PTPRD: variants seen among roughly 807,000 people sequenced by gnomAD.
PTPRD encodes the protein receptor-type tyrosine-protein phosphatase delta.
A neutral mutation model predicts 214.5 loss-of-function variants in PTPRD; 34 were observed. The observed-to-expected ratio is 0.16, with a 90% CI of 0.12 to 0.21. The LOEUF (loss-of-function observed/expected upper bound fraction) is 0.21, where lower values mean the gene tolerates loss of function less well. Among genes scored for constraint, PTPRD ranks in the 10% least tolerant of loss-of-function variants. PTPRD has a pLI of 1.00. For missense variants in PTPRD, 2,545 were observed against 2,398.7 expected (o/e 1.06, Z -1.27); for synonymous variants, 1,128 against 845.7 (o/e 1.33, Z -5.79).
At chr9:9,767,187 G>A (rs183783426) in intron 5 of PTPRD, among the ~76,000 whole-genome samples, 49 of 151,774 alleles carry the variant, frequency 3.2e-4, no homozygotes, top group African/African-American at 6.5e-4. Context: ...ATCAAACATC[G>A]CTTTTCAAAA....
intron 10 of PTPRD, among the ~76,000 whole-genome samples, chr9:9,052,562 G>A (rs182707847): frequency 2.6e-5 from 4 of 152,272 alleles, no homozygotes; most frequent in Admixed American, 2.0e-4. Flanking sequence ...AAATGAAGAA[G>A]GCAGTGAAGT....
intron 5 of PTPRD, among the ~76,000 whole-genome samples, chr9:9,799,954 A>G (rs2099028218): frequency 1.3e-5 from 2 of 152,310 alleles, no homozygotes; most frequent in Admixed American, 6.5e-5. Context: ...TTCAAAGTAC[A>G]AAAAGAAATT....
At chr9:8,528,343 C>A in intron 15 of PTPRD, 1 of 494,606 alleles carries the variant, frequency 2.0e-6, no homozygotes, top group Admixed American at 3.7e-5. Context: ...ACCAAAAATA[C>A]AGTCACAGCA....
intron 3 of PTPRD, among the ~76,000 whole-genome samples, chr9:10,280,360 C>CA (rs752581841): frequency 0.034 from 4,905 of 144,796 alleles, 262 homozygotes; most frequent in African/African-American, 0.12. Flanking sequence ...TACATAAACA[C>CA]CACACACACA....
intron 7 of PTPRD, among the ~76,000 whole-genome samples, chr9:9,633,237 G>A (rs2095648939): frequency 6.6e-6 from 1 of 151,886 alleles, no homozygotes; most frequent in African/African-American, 2.4e-5. Flanking sequence ...GGAGGTTGAA[G>A]TAAGCCTAGA....
intron 9 of PTPRD, among the ~76,000 whole-genome samples, chr9:9,333,925 T>C (rs7861918): frequency 0.081 from 12,241 of 151,954 alleles, 1,688 homozygotes; most frequent in African/African-American, 0.28. Context: ...GAATAGAATA[T>C]TTCATAGTCT....
At chr9:9,918,881 T>C (rs975668013) in intron 5 of PTPRD, among the ~76,000 whole-genome samples, 1 of 152,116 alleles carries the variant, frequency 6.6e-6, no homozygotes, top group Non-Finnish European at 1.5e-5. Flanking sequence ...CCTCCAACCC[T>C]ATACAAACAT....
In PTPRD at chr9:10,351,207, AT is replaced by A. The variant is rs1050133994; in HGVS notation, c.-599-10191del. Reference sequence around the variant, plus strand: ...AATATGCTTGCAAACTCAGTTGTAAATTTTTTTTTAATCATCTACTATCGTG... The same window carrying A: ...AATATGCTTGCAAACTCAGTTGTAAATTTTTTTTAATCATCTACTATCGTG... On this transcript the variant is annotated intron_variant, in intron 2 of 45. Transcript: ENST00000381196. Among the ~76,000 whole-genome samples, 20 of 151,910 alleles carry A rather than the reference AT, an allele frequency of 1.3e-4. 1 individual carries two copies. The highest frequency in any genetic ancestry group is 6.8e-3 in the Middle Eastern group (2 of 294).
intron 5 of PTPRD, among the ~76,000 whole-genome samples, chr9:9,831,869 AT>A (rs1356911212): frequency 6.6e-6 from 1 of 151,948 alleles, no homozygotes; most frequent in Admixed American, 6.6e-5. Flanking sequence ...TATATTCTTT[AT>A]GCTAATTTGA....
intron 4 of PTPRD, among the ~76,000 whole-genome samples, chr9:10,005,779 G>A (rs1046819593): frequency 6.6e-6 from 1 of 151,958 alleles, no homozygotes; most frequent in Admixed American, 6.6e-5. Context: ...CCCTTAGAGA[G>A]ACCCTCTCCT....
intron 11 of PTPRD, among the ~76,000 whole-genome samples, chr9:8,972,218 C>T (rs530191226): frequency 2.1e-3 from 316 of 151,856 alleles, no homozygotes; most frequent in African/African-American, 6.9e-3. Context: ...TAGACTAATA[C>T]GGGACTGGTG....
chr9:8,359,739 G>A (rs545608533), intron 39 of PTPRD, among the ~76,000 whole-genome samples: 1 of 152,294 alleles, frequency 6.6e-6, no homozygotes, highest in South Asian at 2.1e-4. Flanking sequence ...AGAGACTCAG[G>A]AACAGAGACT....
chr9:9,486,271 C>T (rs181399422), intron 8 of PTPRD, among the ~76,000 whole-genome samples: 1 of 147,684 alleles, frequency 6.8e-6, no homozygotes, highest in East Asian at 2.1e-4. Flanking sequence ...GTCAACATCC[C>T]TTACCTTTGC....
intron 7 of PTPRD, among the ~76,000 whole-genome samples, chr9:9,589,784 A>G (rs898614283): frequency 6.6e-6 from 1 of 152,038 alleles, no homozygotes; most frequent in African/African-American, 2.4e-5. Context: ...TGAAATTTGA[A>G]CAACAACATG....
At chr9:10,558,175 A>G (rs370786642) in intron 2 of PTPRD, among the ~76,000 whole-genome samples, 3 of 152,118 alleles carry the variant, frequency 2.0e-5, no homozygotes, top group African/African-American at 7.2e-5. Flanking sequence ...GCCCCAAAGA[A>G]CAGAAGATAA....
intron 35 of PTPRD, among the ~76,000 whole-genome samples, 165 bp from the exon 36 acceptor site, chr9:8,404,825 C>T (rs111266443): frequency 6.6e-6 from 1 of 151,992 alleles, no homozygotes; most frequent in African/African-American, 2.4e-5. Flanking sequence ...ACCAGCATAA[C>T]AAAAAATGGT....
chr9:9,971,373 T>C (rs2095091386), intron 4 of PTPRD, among the ~76,000 whole-genome samples: 3 of 152,132 alleles, frequency 2.0e-5, no homozygotes, highest in Admixed American at 1.3e-4. Context: ...ATGAAGCAAC[T>C]TAGATGTCCC....
chr9:9,346,233 A>G (rs370372560), intron 9 of PTPRD, among the ~76,000 whole-genome samples: 3 of 152,184 alleles, frequency 2.0e-5, no homozygotes, highest in Non-Finnish European at 4.4e-5. Flanking sequence ...GACATTTATC[A>G]TAGAAAAAAG....
At position 9,618,485 on chromosome 9, in the gene PTPRD, G is replaced by T. The variant is rs1263008764; in HGVS notation, c.-286-43704C>A. On this transcript the variant is annotated intron_variant, in intron 7 of 45. Coordinates refer to ENST00000381196, the MANE Select transcript of PTPRD (RefSeq NM_002839.4). The stretch of plus-strand genomic sequence containing the variant: ...AGAAGAGTTGAGAACATGAGCTATG[G>T]CAGTGACACTGCAGAGGAGAGGACA... Among the ~76,000 whole-genome samples the T allele has an allele frequency of 2.0e-5, 3 of 152,144 alleles. No homozygotes were observed. In the East Asian group the frequency reaches 5.8e-4, roughly 29 times the overall value.
Sources: allele counts gnomAD v4.1 joint callset (sites outside exome capture counted in the v4.1 genomes callset), GRCh38; gene constraint gnomAD v4.1.1; transcripts MANE v1.5; gene names NCBI Gene and HGNC (gene_info 2026-07-23, HGNC 2026-07-21).